Variants in ACYP2 observed in about 807,000 individuals in gnomAD.
ACYP2 encodes the protein acylphosphatase-2.
A neutral mutation model predicts 11.2 loss-of-function variants in ACYP2; 12 were observed. The ratio of observed to expected loss-of-function variants is 1.08; its 90% confidence interval spans 0.69 to 1.74. The LOEUF is 1.74. Among genes scored for constraint, ACYP2 ranks in the 40% most tolerant of loss-of-function variants. The pLI is 0.00. For synonymous variants in ACYP2, 43 were observed against 32.2 expected (o/e 1.33, Z -1.13); for missense variants, 134 against 101.9 (o/e 1.31, Z -1.35).
intron 6 of ACYP2, among the ~76,000 whole-genome samples, chr2:54,160,856 G>A (rs1427417826): frequency 1.3e-5 from 2 of 152,222 alleles, no homozygotes; most frequent in Non-Finnish European, 2.9e-5. Flanking sequence ...CTAAGAACTG[G>A]AAGAAGGGAG....
chr2:54,269,714 G>C (rs1688196268), intron 6 of ACYP2, among the ~76,000 whole-genome samples: 1 of 152,194 alleles, frequency 6.6e-6, no homozygotes, highest in South Asian at 2.1e-4. Flanking sequence ...GTTGAAAAAT[G>C]CAATAGATGT....
At chr2:54,174,461 C>T (rs1224349287) in intron 6 of ACYP2, among the ~76,000 whole-genome samples, 1 of 152,152 alleles carries the variant, frequency 6.6e-6, no homozygotes, top group Non-Finnish European at 1.5e-5. Flanking sequence ...ATAATCATGT[C>T]ATCTGCAAAT....
chr2:54,029,954 T>C, intron 2 of ACYP2: 1 of 280,652 alleles, frequency 3.6e-6, no homozygotes, highest in East Asian at 8.6e-5. Flanking sequence ...GAAGGGAATT[T>C]ATTGCTGTAA....
intron 2 of ACYP2, among the ~76,000 whole-genome samples, chr2:53,991,522 C>A (rs1156794959): frequency 6.6e-6 from 1 of 151,672 alleles, no homozygotes; most frequent in Non-Finnish European, 1.5e-5. Flanking sequence ...TCTCCTGCTT[C>A]AGCCTCCTGA....
intron 6 of ACYP2, among the ~76,000 whole-genome samples, chr2:54,229,399 C>G (rs1463989695): frequency 2.6e-5 from 4 of 151,954 alleles, no homozygotes; most frequent in African/African-American, 9.7e-5. Flanking sequence ...GTTCACGAAG[C>G]CATTTGGGAG....
At chr2:54,283,638 G>A (rs1688942733) in intron 6 of ACYP2, among the ~76,000 whole-genome samples, 1 of 152,160 alleles carries the variant, frequency 6.6e-6, no homozygotes, top group African/African-American at 2.4e-5. Context: ...TAATATAGTA[G>A]GAGTTTTACA....
At chr2:54,114,990 GC>G (rs1679668212) in intron 4 of ACYP2, among the ~76,000 whole-genome samples, 1 of 151,858 alleles carries the variant, frequency 6.6e-6, no homozygotes, top group Non-Finnish European at 1.5e-5. Context: ...GATTTCAAAA[GC>G]CAATCTTGCT....
intron 4 of ACYP2, among the ~76,000 whole-genome samples, chr2:54,102,241 A>G (rs910987966): frequency 6.6e-6 from 1 of 152,228 alleles, no homozygotes; most frequent in African/African-American, 2.4e-5. Context: ...AGGAAAATTG[A>G]TATCTCATTT....
At chr2:54,221,344 A>G (rs1487672983) in intron 6 of ACYP2, among the ~76,000 whole-genome samples, 1 of 152,174 alleles carries the variant, frequency 6.6e-6, no homozygotes, top group Non-Finnish European at 1.5e-5. Flanking sequence ...GACCATTACT[A>G]TTTCAAAAAG....
chr2:53,982,087 A>G (rs937228299), intron 2 of ACYP2, among the ~76,000 whole-genome samples: 1 of 152,152 alleles, frequency 6.6e-6, no homozygotes, highest in Non-Finnish European at 1.5e-5. Context: ...AAGATTCACA[A>G]TAGAGTCAGT....
chr2:54,129,398 G>A (rs1456818908), intron 4 of ACYP2, among the ~76,000 whole-genome samples: 2 of 152,024 alleles, frequency 1.3e-5, no homozygotes, highest in Non-Finnish European at 2.9e-5. Flanking sequence ...CTCCCAAAAT[G>A]CTGGGCTTAC....
At chr2:54,007,558 G>C (rs1421978877) in intron 2 of ACYP2, among the ~76,000 whole-genome samples, 1 of 151,950 alleles carries the variant, frequency 6.6e-6, no homozygotes, top group Non-Finnish European at 1.5e-5. Context: ...AGCCTTTCAT[G>C]GTTTTTCATT....
At chr2:54,202,052 G>A (rs1036175206) in intron 6 of ACYP2, among the ~76,000 whole-genome samples, 6 of 151,134 alleles carry the variant, frequency 4.0e-5, no homozygotes, top group Admixed American at 2.0e-4. Context: ...CTGACGTTTA[G>A]GTATTCGATT....
At chr2:54,279,359 G>T (rs909290105) in intron 6 of ACYP2, among the ~76,000 whole-genome samples, 1 of 152,150 alleles carries the variant, frequency 6.6e-6, no homozygotes, top group Admixed American at 6.5e-5. Flanking sequence ...AAGGCTATAT[G>T]GACCACAAGC....
At chr2:54,016,627 A>T (rs1673699599) in intron 2 of ACYP2, among the ~76,000 whole-genome samples, 1 of 152,140 alleles carries the variant, frequency 6.6e-6, no homozygotes, top group South Asian at 2.1e-4. Context: ...GCTGCTATTT[A>T]AAAACACCAC....
chr2:54,287,693 G>A (rs910283355), intron 6 of ACYP2, among the ~76,000 whole-genome samples: 2 of 152,008 alleles, frequency 1.3e-5, no homozygotes, highest in African/African-American at 4.8e-5. Context: ...TGAGGAGCCA[G>A]AGCTGTTGCA....
chr2:53,972,755 T>C (rs939016122), intron 1 of ACYP2, among the ~76,000 whole-genome samples: 2 of 152,186 alleles, frequency 1.3e-5, no homozygotes, highest in African/African-American at 2.4e-5. Context: ...GGCTTGGGCT[T>C]AGTAGTTGAC....
chr2:53,996,009 CTG>C (rs545983903), intron 2 of ACYP2, among the ~76,000 whole-genome samples: 133 of 152,122 alleles, frequency 8.7e-4, no homozygotes, highest in African/African-American at 3.1e-3. Flanking sequence ...TGGTGGATGT[CTG>C]TAATCCCAGC....
intron 4 of ACYP2, among the ~76,000 whole-genome samples, chr2:54,081,212 T>C (rs1022430363): frequency 6.6e-6 from 1 of 152,128 alleles, no homozygotes; most frequent in Non-Finnish European, 1.5e-5. Flanking sequence ...TAGTTTGTGC[T>C]CCATGAGTAC....
Sources: gnomAD v4.1 joint callset for allele counts (sites outside exome capture counted in the v4.1 genomes callset) on GRCh38, gnomAD v4.1.1 for gene constraint, MANE v1.5 for transcripts, NCBI Gene and HGNC (gene_info 2026-07-23, HGNC 2026-07-21) for gene names.